Variants in RHBDD1 observed in about 807,000 individuals in gnomAD.
The protein encoded by RHBDD1 is rhomboid-related protein 4.
RHBDD1 carries 38 observed loss-of-function variants against 36.3 expected under a neutral mutation model. The observed-to-expected ratio is 1.05, with a 90% CI of 0.81 to 1.37. The LOEUF is 1.37. Ranked by LOEUF, RHBDD1 falls within the 40% of genes most tolerant of loss-of-function variation. The pLI is 0.00. For synonymous variants in RHBDD1, 151 were observed against 136.5 expected (o/e 1.11, Z -0.74); for missense variants, 393 against 377.6 (o/e 1.04, Z -0.34).
chr2:226,835,843 G>C (rs989504652), upstream of RHBDD1: 2 of 152,412 alleles, frequency 1.3e-5, no homozygotes, highest in Admixed American at 1.3e-4. Context: ...TCCTTACTGC[G>C]CTCTGCCGCG....
At chr2:226,830,334 T>G in the RHBDD1 span, among the ~76,000 whole-genome samples, 1 of 152,190 alleles carries the variant, frequency 6.6e-6, no homozygotes, top group African/African-American at 2.4e-5. Flanking sequence ...CACTCATCAA[T>G]CTGCCCATGA....
At chr2:226,855,169 G>A (rs1394002109) in intron 3 of RHBDD1, among the ~76,000 whole-genome samples, 3 of 152,212 alleles carry the variant, frequency 2.0e-5, no homozygotes, top group Non-Finnish European at 4.4e-5. Context: ...TGGGGAGATG[G>A]TGTATGAAGG....
At chr2:226,978,886 T>C (rs1347498883) in intron 8 of RHBDD1, among the ~76,000 whole-genome samples, 3 of 152,124 alleles carry the variant, frequency 2.0e-5, no homozygotes, top group Non-Finnish European at 4.4e-5. Flanking sequence ...TCCCAGCTAC[T>C]GTGTGGAGAA....
Position 226,914,256 on chromosome 2 carries a change from A to C in RHBDD1, c.761A>C (p.Tyr254Ser). 2 of 1,613,816 alleles carry C rather than the reference A, an allele frequency of 1.2e-6. No homozygotes were observed. Among genetic ancestry groups the C allele is most frequent in the Non-Finnish European group, 1.7e-6 (2 of 1,179,784 alleles). Residue 254 changes from tyrosine (Y) to serine (S), a missense_variant, in exon 8 of 9, where the codon TAT (tyrosine) becomes TCT (serine). Tyr to Ser is a moderately radical substitution (Grantham distance 144, BLOSUM62 -2). Transcript: ENST00000392062. ...TATCCGCATGGCAGGCCAGATCACTATGAAGAAGCACCCAGGAACTATGAC... is the reference window on the plus strand; with the variant it reads ...TATCCGCATGGCAGGCCAGATCACTCTGAAGAAGCACCCAGGAACTATGAC... ...DYYPHGRPDHYEEAPRNYDTY... is the reference protein window; with the variant it reads ...DYYPHGRPDHSEEAPRNYDTY...
At chr2:226,971,185 C>T (rs779200996) in intron 8 of RHBDD1, among the ~76,000 whole-genome samples, 6 of 152,152 alleles carry the variant, frequency 3.9e-5, no homozygotes, top group South Asian at 2.1e-4. Context: ...TGGCTGAAGC[C>T]GCCTCTTGCT....
At chr2:226,909,634 G>A (rs1003377847) in intron 7 of RHBDD1, among the ~76,000 whole-genome samples, 1 of 152,056 alleles carries the variant, frequency 6.6e-6, no homozygotes, top group Non-Finnish European at 1.5e-5. Context: ...TCATGAATGG[G>A]ATTAATGTCC....
intron 5 of RHBDD1, among the ~76,000 whole-genome samples, chr2:226,872,218 C>G (rs1944849022): frequency 6.6e-6 from 1 of 151,720 alleles, no homozygotes; most frequent in Non-Finnish European, 1.5e-5. Context: ...TACAAAATTG[C>G]AGAAAAAAGT....
chr2:226,961,574 A>G (rs1011856000), intron 8 of RHBDD1, among the ~76,000 whole-genome samples: 14 of 152,020 alleles, frequency 9.2e-5, no homozygotes, highest in South Asian at 6.2e-4. Context: ...ACAAGAACTC[A>G]TGAAGTAAGC....
intron 5 of RHBDD1, among the ~76,000 whole-genome samples, chr2:226,890,884 T>C (rs527840704): frequency 1.3e-5 from 2 of 152,242 alleles, no homozygotes; most frequent in East Asian, 1.9e-4. Context: ...AAGGACACTA[T>C]TAAAATTTCT....
chr2:226,850,148 G>A (rs141473809), intron 3 of RHBDD1, among the ~76,000 whole-genome samples: 93 of 152,248 alleles, frequency 6.1e-4, no homozygotes, highest in Non-Finnish European at 4.9e-4. Flanking sequence ...GGAAACAGAC[G>A]GGGGTTGATG....
At chr2:226,918,326 C>G (rs888213865) in intron 8 of RHBDD1, among the ~76,000 whole-genome samples, 3 of 151,936 alleles carry the variant, frequency 2.0e-5, no homozygotes, top group East Asian at 1.9e-4. Context: ...GTGTTACAAA[C>G]AATCCAGTTC....
chr2:226,951,077 C>T (rs1315311760), intron 8 of RHBDD1, among the ~76,000 whole-genome samples: 7 of 152,080 alleles, frequency 4.6e-5, no homozygotes, highest in African/African-American at 1.7e-4. Context: ...CCTCCATTTT[C>T]TTCTAGTAGG....
At chr2:226,824,551 G>A in the RHBDD1 span, among the ~76,000 whole-genome samples, 1 of 152,172 alleles carries the variant, frequency 6.6e-6, no homozygotes, top group Non-Finnish European at 1.5e-5. Context: ...TATGTAAAGT[G>A]GAGCTATCTG....
chr2:226,850,366 C>T (rs753104323), intron 3 of RHBDD1, among the ~76,000 whole-genome samples: 4 of 152,106 alleles, frequency 2.6e-5, no homozygotes, highest in African/African-American at 7.2e-5. Context: ...TTAATTTCTG[C>T]GGTTTCAGAG....
chr2:226,939,869 C>G (rs1950558416), intron 8 of RHBDD1, among the ~76,000 whole-genome samples: 1 of 152,142 alleles, frequency 6.6e-6, no homozygotes, highest in African/African-American at 2.4e-5. Flanking sequence ...TCAAACTATG[C>G]TACAGGGCCA....
rs191496710 is a variant in RHBDD1, at chr2:226,852,544, A to G, written c.-90-12060A>G. On this transcript the variant is annotated intron_variant, in intron 3 of 8. Coordinates refer to ENST00000392062, the MANE Select transcript of RHBDD1 (RefSeq NM_001167608.3). ...GTATATAACAGAAAAGCAGCTCACA[A>G]CCCATAAGAGGGCCCTCACCAGAAC... 3.9e-3 allele frequency among the ~76,000 whole-genome samples: 588 copies of G among 152,130 alleles called. 4 individuals carry two copies. The highest frequency in any genetic ancestry group is 0.02 in the Middle Eastern group (6 of 294).
At chr2:226,870,070 A>G (rs1251887611) in intron 5 of RHBDD1, among the ~76,000 whole-genome samples, 1 of 152,182 alleles carries the variant, frequency 6.6e-6, no homozygotes, top group Non-Finnish European at 1.5e-5. Context: ...AGAATCATGA[A>G]CATCACCCAG....
intron 8 of RHBDD1, chr2:226,969,153 G>A (rs2177593): frequency 0.45 from 69,807 of 156,092 alleles, 15,808 homozygotes; most frequent in South Asian, 0.52. Flanking sequence ...GGTGGTGGTG[G>A]CAGTAGCATT....
upstream of RHBDD1, among the ~76,000 whole-genome samples, chr2:226,831,207 T>C (rs1034956618): frequency 3.3e-5 from 5 of 152,220 alleles, no homozygotes; most frequent in African/African-American, 9.6e-5. Flanking sequence ...CCTTAAATAT[T>C]TGATGGATTG....
Sources: gnomAD v4.1 joint callset for allele counts (sites outside exome capture counted in the v4.1 genomes callset) on GRCh38, gnomAD v4.1.1 for gene constraint, MANE v1.5 for transcripts, NCBI Gene and HGNC (gene_info 2026-07-23, HGNC 2026-07-21) for gene names.